Variants in POLR1B observed in about 807,000 individuals in gnomAD.
POLR1B encodes DNA-directed RNA polymerase I subunit RPA2.
A neutral mutation model predicts 105.8 loss-of-function variants in POLR1B; 30 were observed. The ratio of observed to expected loss-of-function variants is 0.28; its 90% CI spans 0.21 to 0.38. POLR1B has a LOEUF of 0.38. POLR1B is among the 10% of genes least tolerant of loss of function. The pLI, the probability that POLR1B is intolerant of heterozygous loss-of-function variation, is 1.00. For missense variants in POLR1B, 976 were observed against 1,435.8 expected (o/e 0.68, Z 5.17); for synonymous variants, 485 against 505.1 (o/e 0.96, Z 0.53).
intron 8 of POLR1B, 71 bp downstream of exon 8, chr2:112,558,152 A>G (rs1042544990): frequency 8.4e-7 from 1 of 1,192,812 alleles, no homozygotes; most frequent in Non-Finnish European, 1.1e-6. Context: ...CCTGTCCCTG[A>G]GAGTTCTTTT....
intron 7 of POLR1B, among the ~76,000 whole-genome samples, chr2:112,557,120 CA>C (rs1683703728): frequency 1.3e-5 from 2 of 151,898 alleles, no homozygotes; most frequent in Non-Finnish European, 1.5e-5. Context: ...CCCATCTCTA[CA>C]AAAAAAATTT....
At position 112,577,219 on chromosome 2, in the gene POLR1B, A is replaced by C. The variant is rs568729231; in HGVS notation, c.*1490A>C. On this transcript the variant is annotated 3_prime_UTR_variant, in exon 15 of 15. Coordinates refer to ENST00000263331, the MANE Select transcript of POLR1B (RefSeq NM_019014.6). ...GTCTGTCACTAATTATAAGGCAGAT[A>C]GGAACAGACAGAAAAATCTATCATT... The C allele has an allele frequency of 2.0e-5, 3 of 152,266 alleles. No homozygotes were observed. In the East Asian group the frequency reaches 5.8e-4, roughly 29 times the overall value. The allele number at this position is 152,266 out of a possible 1,614,324, so 9.4% of individuals were successfully genotyped here.
chr2:112,563,740 A>C (rs939391155), intron 9 of POLR1B, among the ~76,000 whole-genome samples: 1 of 152,032 alleles, frequency 6.6e-6, no homozygotes, highest in Non-Finnish European at 1.5e-5. Flanking sequence ...TCTACAAAAA[A>C]AAAATTTAAA....
intron 11 of POLR1B, among the ~76,000 whole-genome samples, 175 bp from the exon 12 acceptor site, chr2:112,568,571 G>A (rs953615796): frequency 2.6e-5 from 4 of 152,184 alleles, no homozygotes; most frequent in African/African-American, 9.7e-5. Context: ...CGTAAAGCAA[G>A]TGGTATTTCT....
rs1684955764 is a variant in POLR1B, at chr2:112,578,334, T to G, written c.*2605T>G. ...CTATCCTTTTATAGCCATCTCTACC[T>G]CTGTCCCCCATTTCTAACCCCTGGA... On this transcript the variant is annotated 3_prime_UTR_variant, in exon 15 of 15. Coordinates refer to ENST00000263331, the MANE Select transcript of POLR1B (RefSeq NM_019014.6). Among the ~76,000 whole-genome samples the G allele has an allele frequency of 6.6e-6, 1 of 152,188 alleles. No individual in the cohort carries two copies. The highest frequency in any genetic ancestry group is 1.5e-5 in the Non-Finnish European group (1 of 68,034).
In POLR1B at chr2:112,551,778, C is replaced by A; in HGVS notation, c.766C>A (p.Leu256Ile). 6.2e-7 allele frequency: 1 copy of A among 1,612,242 alleles called. No individual in the cohort carries two copies. The highest frequency in any genetic ancestry group is 8.5e-7 in the Non-Finnish European group (1 of 1,178,696). The part of the protein sequence containing the change: ...FLPLGFALKA[L>I]VSFSDYQIFQ... ...AACCTTTTATTTTCTATTCTAGGCACTTGTCAGCTTTTCTGATTATCAGAT... is the reference window on the plus strand; with the variant it reads ...AACCTTTTATTTTCTATTCTAGGCAATTGTCAGCTTTTCTGATTATCAGAT... Residue 256 changes from leucine (L) to isoleucine (I), a missense_variant, in exon 6 of 15, where the codon CTT becomes ATT. By Grantham distance (5) the Leu-to-Ile change is conservative. Transcript: ENST00000263331.
At position 112,557,987 on chromosome 2, in the gene POLR1B, C is replaced by A; in HGVS notation, c.1236C>A (p.Asn412Lys). Residue 412 changes from asparagine to lysine, a missense_variant, in exon 8 of 15, where the codon AAC becomes AAA. This residue lies in a region of POLR1B where 452 missense variants were observed against 616.5 expected (regional missense o/e 0.73). Coordinates refer to ENST00000263331, the MANE Select transcript of POLR1B (RefSeq NM_019014.6). ...CTCAGAAGACCAGTGTTTCCATGAA[C>A]ACTGACAATTTGATGAGGATTTTTA... ...KKAQKTSVSMNTDNLMRIFTM... is the reference protein window; with the variant it reads ...KKAQKTSVSMKTDNLMRIFTM... 1 of 1,421,396 alleles carries A rather than the reference C, an allele frequency of 7.0e-7. No homozygotes were observed. The highest frequency in any genetic ancestry group is 9.3e-7 in the Non-Finnish European group (1 of 1,073,014). The allele number at this position is 1,421,396 out of a possible 1,614,324, so 88.0% of individuals were successfully genotyped here.
At chr2:112,545,321 A>G (rs934950536) in intron 1 of POLR1B, among the ~76,000 whole-genome samples, 7 of 152,176 alleles carry the variant, frequency 4.6e-5, no homozygotes, top group African/African-American at 1.4e-4. Flanking sequence ...TTGTGTATTG[A>G]TCAGTGGATG....
chr2:112,558,136 G>A (rs989904566), intron 8 of POLR1B, 55 bp downstream of exon 8: 2 of 1,256,842 alleles, frequency 1.6e-6, no homozygotes, highest in South Asian at 3.4e-5. Flanking sequence ...GCTTAGTGTA[G>A]ATTTGCCTGT....
rs56190123 is a variant in POLR1B at position 112,579,208 on chromosome 2, C to CAAAAAAAAAAAAAAAA, written c.*3496_*3511dup. Among the ~76,000 whole-genome samples, 4 of 58,692 alleles carry CAAAAAAAAAAAAAAAA rather than the reference C, an allele frequency of 6.8e-5. No homozygotes were observed. Among genetic ancestry groups the CAAAAAAAAAAAAAAAA allele is most frequent in the South Asian group, 1.0e-3 (1 of 988 alleles). The allele number at this position is 58,692 out of a possible 152,430, so 38.5% of individuals were successfully genotyped here. ...GGGCAACAGAGCAAGACTAGAGTCT[C>CAAAAAAAAAAAAAAAA]AAAAAAAAAAAAAAAAAAAAAAAAA... On this transcript the variant is annotated 3_prime_UTR_variant, in exon 15 of 15. Coordinates refer to ENST00000263331, the MANE Select transcript of POLR1B (RefSeq NM_019014.6).
Position 112,542,480 on chromosome 2 carries a change from T to C in POLR1B, c.-15T>C, listed in dbSNP as rs375196882. 5.1e-5 allele frequency: 82 copies of C among 1,610,782 alleles called. No homozygotes were observed. In the African/African-American group the frequency reaches 7.2e-4, roughly 14 times the overall value. On this transcript the variant is annotated 5_prime_UTR_variant, in exon 1 of 15. Transcript: ENST00000263331. ...CGTGTACCGAGAGACTGGCGTCCGG[T>C]GTGCAGGTGGCCACATGGATCCTGG...
chr2:112,578,636 C>T lies in POLR1B; in HGVS notation c.*2907C>T, dbSNP rs995208645. Among the ~76,000 whole-genome samples the T allele has an allele frequency of 6.6e-6, 1 of 152,144 alleles. No homozygotes were observed. The highest frequency in any genetic ancestry group is 2.4e-5 in the African/African-American group (1 of 41,426). On this transcript the variant is annotated 3_prime_UTR_variant, in exon 15 of 15. Coordinates refer to ENST00000263331, the MANE Select transcript of POLR1B (RefSeq NM_019014.6). ...GCATTAACAATAAAGCTGATCTGAA[C>T]AATCAGGTATAATAGTCCCCCTTTA...
chr2:112,573,910 G>T, intron 14 of POLR1B, 95 bp downstream of exon 14: 1 of 1,435,546 alleles, frequency 7.0e-7, no homozygotes, highest in South Asian at 1.3e-5. Flanking sequence ...GCAGTGGAGT[G>T]ATCTCAGCTC....
intron 14 of POLR1B, among the ~76,000 whole-genome samples, chr2:112,574,232 T>C (rs1248467994): frequency 6.6e-6 from 1 of 152,216 alleles, no homozygotes; most frequent in Non-Finnish European, 1.5e-5. Context: ...GCCAAAATGT[T>C]GAGCTCATAC....
chr2:112,542,447 G>A (rs2104494812), upstream of POLR1B: 1 of 1,326,676 alleles, frequency 7.5e-7, no homozygotes, highest in Non-Finnish European at 1.0e-6. Flanking sequence ...CGAGAGACTG[G>A]CGTCCGGCGT....
At chr2:112,567,032 C>CT (rs922843362) in intron 10 of POLR1B, among the ~76,000 whole-genome samples, 10 of 151,994 alleles carry the variant, frequency 6.6e-5, no homozygotes, top group South Asian at 2.1e-4. Flanking sequence ...TTTTCATTCT[C>CT]TTTTTTTTGG....
chr2:112,576,157 C>T lies in POLR1B; in HGVS notation c.*428C>T, dbSNP rs1219917291. 2 of 165,054 alleles carry T rather than the reference C, an allele frequency of 1.2e-5. No individual in the cohort carries two copies. The highest frequency in any genetic ancestry group is 4.8e-5 in the African/African-American group (2 of 41,532). 10.2% of individuals were successfully genotyped at this position (165,054 alleles called of 1,614,324 possible). Reference sequence around the variant, plus strand: ...ATAGCCACGTTGAAGTAAAAACAAACAGGTACAGTGTTTTTTACCAGCTTT... The same window carrying T: ...ATAGCCACGTTGAAGTAAAAACAAATAGGTACAGTGTTTTTTACCAGCTTT... On this transcript the variant is annotated 3_prime_UTR_variant, in exon 15 of 15. Transcript: ENST00000263331.
Position 112,542,644 on chromosome 2 carries a change from G to A in POLR1B, c.150G>A (p.Val50=). ...ACGTGGAGTCCTTCAACTACGCTGT[G>A]CACGAGGGTCTCGGCCTCGCGGTGC... is the stretch of plus-strand genomic sequence containing the variant. ...RAHVESFNYA[V]HEGLGLAVQA... The change falls in exon 1 of 15, where the codon GTG becomes GTA. Residue 50 remains valine, a synonymous_variant. Coordinates refer to ENST00000263331, the MANE Select transcript of POLR1B (RefSeq NM_019014.6). 1 of 1,613,902 alleles carries A rather than the reference G, an allele frequency of 6.2e-7. No individual in the cohort carries two copies. Among genetic ancestry groups the A allele is most frequent in the Non-Finnish European group, 8.5e-7 (1 of 1,179,974 alleles).
At chr2:112,547,856 T>C (rs1683139082) in intron 3 of POLR1B, among the ~76,000 whole-genome samples, 1 of 152,128 alleles carries the variant, frequency 6.6e-6, no homozygotes, top group Non-Finnish European at 1.5e-5. Context: ...TGTTTTTTTT[T>C]TCAAGCTGTC....
Sources: allele counts gnomAD v4.1 joint callset (sites outside exome capture counted in the v4.1 genomes callset), GRCh38; gene constraint gnomAD v4.1.1; regional missense constraint gnomAD v4.1.1; transcripts MANE v1.5; gene names NCBI Gene and HGNC (gene_info 2026-07-23, HGNC 2026-07-21).